The following ZNF106 variants were observed in gnomAD, a reference collection of about 807,000 sequenced individuals.
ZNF106 encodes the protein zinc finger protein 106, also known as SH3-domain binding protein 3.
In ZNF106, 67 loss-of-function variants were observed where a neutral mutation model predicts 195.1. The ratio of observed to expected loss-of-function variants is 0.34; its 90% confidence interval spans 0.28 to 0.42. The LOEUF is 0.42. Among genes scored for constraint, ZNF106 ranks in the 10% least tolerant of loss-of-function variants. The pLI is 1.00. For synonymous variants in ZNF106, 784 were observed against 818.6 expected, an observed-to-expected ratio of 0.96 and a Z score of 0.72; for missense variants, 2,118 against 2,304.5, an observed-to-expected ratio of 0.92 and a Z score of 1.66.
intron 3 of ZNF106, among the ~76,000 whole-genome samples, chr15:42,459,280 AC>A (rs905091798): frequency 4.6e-5 from 7 of 151,964 alleles, no homozygotes; most frequent in Non-Finnish European, 7.4e-5. Context: ...GTTTGAGACC[AC>A]CCGGGCCAAA....
rs2054487801 is a variant in ZNF106, at chr15:42,417,218, CA to C, written c.*85del. 6.8e-7 allele frequency: 1 copy of C among 1,464,892 alleles called. No homozygotes were observed. The allele number at this position is 1,464,892 out of a possible 1,614,324, so 90.7% of individuals were successfully genotyped here. On this transcript the variant is annotated 3_prime_UTR_variant, in exon 22 of 22. Transcript: ENST00000564754. ...ACCACTTTCTCCTTCCTTACTTCAC[CA>C]AGAAAGGGAAGAGAGTGGCCTGTGT...
At chr15:42,456,881 C>G in intron 4 of ZNF106, 77 bp downstream of exon 4, 1 of 1,353,006 alleles carries the variant, frequency 7.4e-7, no homozygotes, top group African/African-American at 1.5e-5. Context: ...CATGGGCTGA[C>G]CAGTACAAAG....
chr15:42,436,955 A>T (rs2055297601), intron 13 of ZNF106, among the ~76,000 whole-genome samples: 2 of 152,202 alleles, frequency 1.3e-5, no homozygotes, highest in South Asian at 4.1e-4. Flanking sequence ...GTGGGAGGGA[A>T]AAAGAGACTC....
intron 6 of ZNF106, among the ~76,000 whole-genome samples, chr15:42,446,998 GCA>G (rs2055798854): frequency 6.6e-6 from 1 of 152,124 alleles, no homozygotes; most frequent in Non-Finnish European, 1.5e-5. Flanking sequence ...TTATAACTTG[GCA>G]TAGTTTCTAC....
At chr15:42,442,614 C>CT (rs1209709879) in intron 9 of ZNF106, among the ~76,000 whole-genome samples, 200 bp from the exon 10 acceptor site, 9,766 of 123,580 alleles carry the variant, frequency 0.079, 496 homozygotes, top group African/African-American at 0.12. Flanking sequence ...CATCAACATT[C>CT]TTTTTTTTTT....
intron 3 of ZNF106, among the ~76,000 whole-genome samples, chr15:42,462,761 T>G (rs1030775783): frequency 6.6e-6 from 1 of 152,102 alleles, no homozygotes; most frequent in African/African-American, 2.4e-5. Context: ...GATTCTGTAT[T>G]GATTATAAAC....
At chr15:42,457,282 T>G in intron 3 of ZNF106, 124 bp from the exon 4 acceptor site, 1 of 1,535,888 alleles carries the variant, frequency 6.5e-7, no homozygotes, top group Non-Finnish European at 8.7e-7. Context: ...TTAGTGCTAA[T>G]TAATTTCAAT....
chr15:42,487,981 G>A (rs2057053680), intron 1 of ZNF106, among the ~76,000 whole-genome samples: 1 of 152,164 alleles, frequency 6.6e-6, no homozygotes, highest in Non-Finnish European at 1.5e-5. Flanking sequence ...CACAGTATAT[G>A]CATGTAACCT....
At chr15:42,445,630 T>G (rs1191965946) in intron 7 of ZNF106, among the ~76,000 whole-genome samples, 4 of 152,174 alleles carry the variant, frequency 2.6e-5, no homozygotes, top group Non-Finnish European at 1.5e-5. Context: ...CAAAGGTCCT[T>G]TAAGTCAAAG....
In ZNF106 at chr15:42,450,319, A is replaced by G; in HGVS notation, c.1953T>C (p.Asp651=). 4.3e-6 allele frequency: 7 copies of G among 1,614,170 alleles called. No individual in the cohort carries two copies. Among genetic ancestry groups the G allele is most frequent in the Non-Finnish European group, 5.9e-6 (7 of 1,180,022 alleles). ...STRTADEKEE[D]DRILKTSREL... ...CTCTAGAAGTCTTCAGGATGCGGTC[A>G]TCCTCCTCTTTCTCATCAGCAGTTC... The change falls in exon 5 of 22, where the codon GAT becomes GAC. Residue 651 remains aspartate, a synonymous_variant. Coordinates refer to ENST00000564754, the MANE Select transcript of ZNF106 (RefSeq NM_001366845.3).
At chr15:42,466,414 C>A (rs2056517498) in intron 2 of ZNF106, among the ~76,000 whole-genome samples, 1 of 152,036 alleles carries the variant, frequency 6.6e-6, no homozygotes, top group Admixed American at 6.6e-5. Flanking sequence ...AAGTTAAATT[C>A]TATCCCATTA....
At chr15:42,462,365 A>G (rs1253910274) in intron 3 of ZNF106, among the ~76,000 whole-genome samples, 2 of 152,232 alleles carry the variant, frequency 1.3e-5, no homozygotes, top group Non-Finnish European at 2.9e-5. Context: ...TGGGAGGCCG[A>G]GGCAGGTGGA....
intron 1 of ZNF106, among the ~76,000 whole-genome samples, chr15:42,475,143 A>G (rs1056248344): frequency 7.9e-5 from 12 of 152,236 alleles, no homozygotes; most frequent in African/African-American, 2.9e-4. Context: ...CTGAATGCCT[A>G]AATAATTTTA....
At chr15:42,482,793 T>G (rs2141455198) in intron 1 of ZNF106, among the ~76,000 whole-genome samples, 1 of 152,200 alleles carries the variant, frequency 6.6e-6, no homozygotes. Context: ...CCTCCCAAAG[T>G]GCTAGGATTA....
At chr15:42,490,427 G>A (rs1029895845) in intron 1 of ZNF106, 16 of 152,134 alleles carry the variant, frequency 1.1e-4, no homozygotes, top group African/African-American at 3.4e-4. Context: ...ACAACAAATT[G>A]AAAGGGGAAG....
intron 3 of ZNF106, among the ~76,000 whole-genome samples, chr15:42,462,072 A>G (rs1039191766): frequency 6.6e-6 from 1 of 152,200 alleles, no homozygotes; most frequent in Non-Finnish European, 1.5e-5. Flanking sequence ...GCTATCCTCT[A>G]AAGAAAATGA....
chr15:42,427,037 T>C (rs1028265223), intron 15 of ZNF106, among the ~76,000 whole-genome samples: 1 of 152,218 alleles, frequency 6.6e-6, no homozygotes, highest in African/African-American at 2.4e-5. Flanking sequence ...AGCCTATGAA[T>C]GACACTGTAA....
intron 20 of ZNF106, among the ~76,000 whole-genome samples, chr15:42,420,525 C>T (rs1278299206): frequency 6.6e-6 from 1 of 152,038 alleles, no homozygotes; most frequent in African/African-American, 2.4e-5. Context: ...GTGTCAAGTT[C>T]ACGCCATCAA....
At chr15:42,419,123 C>T (rs902283797) in intron 20 of ZNF106, among the ~76,000 whole-genome samples, 1 of 150,792 alleles carries the variant, frequency 6.6e-6, no homozygotes, top group Non-Finnish European at 1.5e-5. Flanking sequence ...AATCCTAGCA[C>T]TTTGGGATGC....
Sources: gnomAD v4.1 joint callset for allele counts (sites outside exome capture counted in the v4.1 genomes callset) on GRCh38, gnomAD v4.1.1 for gene constraint, MANE v1.5 for transcripts, NCBI Gene and HGNC (gene_info 2026-07-23, HGNC 2026-07-21) for gene names.